MTUS1: variants seen among roughly 807,000 people sequenced by gnomAD.
The protein encoded by MTUS1 is microtubule associated scaffold protein 1.
Under a neutral mutation model 120.8 loss-of-function variants are expected in MTUS1, and 109 were observed. The observed-to-expected ratio is 0.90, with a 90% CI of 0.77 to 1.06. MTUS1 has a LOEUF of 1.06. Ranked by LOEUF, MTUS1 falls within the 50% of genes least tolerant of loss-of-function variation. The pLI is 0.00. For missense variants in MTUS1, 2,210 were observed against 1,486.3 expected, an observed-to-expected ratio of 1.49 and a Z score of -8.01; for synonymous variants, 737 against 550.5, an observed-to-expected ratio of 1.34 and a Z score of -4.74.
intron 1 of MTUS1, among the ~76,000 whole-genome samples, chr8:17,776,269 T>C (rs372572235): frequency 5.3e-5 from 8 of 152,178 alleles, no homozygotes; most frequent in African/African-American, 1.9e-4. Context: ...TGTGTTTTTA[T>C]ATGCAAAGAC....
chr8:17,800,311 C>T (rs1422985229), intron 1 of MTUS1, among the ~76,000 whole-genome samples: 1 of 152,164 alleles, frequency 6.6e-6, no homozygotes, highest in African/African-American at 2.4e-5. Flanking sequence ...AACTTGAAAG[C>T]TTCCACGCAC....
intron 6 of MTUS1, among the ~76,000 whole-genome samples, chr8:17,712,702 G>T (rs1821569034): frequency 6.6e-6 from 1 of 152,056 alleles, no homozygotes; most frequent in African/African-American, 2.4e-5. Flanking sequence ...TCGCAGTGAA[G>T]ATATTTTGTG....
chr8:17,775,887 G>A (rs979065949), intron 1 of MTUS1, among the ~76,000 whole-genome samples: 8 of 152,172 alleles, frequency 5.3e-5, no homozygotes, highest in Non-Finnish European at 1.2e-4. Context: ...GACTACGCAG[G>A]CATTTCAGAG....
intron 1 of MTUS1, among the ~76,000 whole-genome samples, chr8:17,786,775 T>C (rs1365529087): frequency 2.6e-5 from 4 of 152,044 alleles, no homozygotes; most frequent in African/African-American, 7.2e-5. Context: ...GTTTCATATG[T>C]GATATTAAGA....
intron 7 of MTUS1, among the ~76,000 whole-genome samples, chr8:17,677,003 C>G (rs561865633): frequency 1.3e-5 from 2 of 152,132 alleles, no homozygotes; most frequent in African/African-American, 2.4e-5. Context: ...AGCACTGAAA[C>G]GTGGTCAGCA....
chr8:17,679,354 CGCGTGTGT>C (rs1563187913), intron 7 of MTUS1, among the ~76,000 whole-genome samples: 2 of 140,120 alleles, frequency 1.4e-5, no homozygotes, highest in Admixed American at 7.6e-5. Flanking sequence ...TGTGTGCGCG[CGCGTGTGT>C]GTGTGTGTGT....
intron 3 of MTUS1, among the ~76,000 whole-genome samples, chr8:17,733,040 C>G (rs1402843604): frequency 6.6e-6 from 1 of 152,018 alleles, no homozygotes; most frequent in African/African-American, 2.4e-5. Context: ...CAAGTCCTAA[C>G]TATGATTTTC....
intron 3 of MTUS1, among the ~76,000 whole-genome samples, chr8:17,742,070 C>T (rs925697084): frequency 6.6e-6 from 1 of 152,044 alleles, no homozygotes; most frequent in Non-Finnish European, 1.5e-5. Flanking sequence ...CCTTATTGGA[C>T]AACTACAGTA....
intron 12 of MTUS1, 43 bp downstream of exon 12, chr8:17,653,141 TGA>T (rs1171271309): frequency 8.5e-7 from 1 of 1,174,288 alleles, no homozygotes; most frequent in South Asian, 1.4e-5. Context: ...AAAAGGCAAC[TGA>T]GAAGAAAAAT....
chr8:17,688,718 A>G (rs1409653338), intron 6 of MTUS1, among the ~76,000 whole-genome samples: 1 of 152,200 alleles, frequency 6.6e-6, no homozygotes, highest in Non-Finnish European at 1.5e-5. Context: ...GTTACCATTC[A>G]TGTCAATTAT....
At chr8:17,700,016 G>A (rs1481888488) in intron 6 of MTUS1, among the ~76,000 whole-genome samples, 1 of 152,060 alleles carries the variant, frequency 6.6e-6, no homozygotes, top group Non-Finnish European at 1.5e-5. Flanking sequence ...GAAATTGAAC[G>A]AATGTGAGAA....
At chr8:17,791,519 C>T (rs1203187333) in intron 1 of MTUS1, among the ~76,000 whole-genome samples, 1 of 152,146 alleles carries the variant, frequency 6.6e-6, no homozygotes, top group Non-Finnish European at 1.5e-5. Context: ...AATGTGCTGA[C>T]TGATAGCAAA....
chr8:17,721,604 C>A, intron 4 of MTUS1: 1 of 1,325,284 alleles, frequency 7.5e-7, no homozygotes, highest in South Asian at 1.7e-5. Flanking sequence ...CTACCATTAC[C>A]ATAAATTACA....
At chr8:17,783,464 G>A (rs905907462) in intron 1 of MTUS1, among the ~76,000 whole-genome samples, 1 of 152,144 alleles carries the variant, frequency 6.6e-6, no homozygotes, top group Non-Finnish European at 1.5e-5. Flanking sequence ...GTAGGAAGAG[G>A]GAGCATACCA....
At chr8:17,797,414 AAAAAT>A (rs764887030) in intron 1 of MTUS1, among the ~76,000 whole-genome samples, 11 of 141,194 alleles carry the variant, frequency 7.8e-5, no homozygotes, top group Admixed American at 2.3e-4. Flanking sequence ...TCCCGTCTCA[AAAAAT>A]AAAATAAAAT....
intron 1 of MTUS1, among the ~76,000 whole-genome samples, chr8:17,791,962 G>C (rs561578603): frequency 6.6e-6 from 1 of 152,092 alleles, no homozygotes; most frequent in Non-Finnish European, 1.5e-5. Flanking sequence ...ACCTTCCAGC[G>C]TCCTGATGAG....
chr8:17,692,197 C>G (rs1347709294), intron 6 of MTUS1: 1 of 152,178 alleles, frequency 6.6e-6, no homozygotes, highest in Non-Finnish European at 1.5e-5. Context: ...ACATTTTATA[C>G]CTGTCTGTGG....
In MTUS1 at chr8:17,743,697, G is replaced by A. The variant is rs1168502319; in HGVS notation, c.2194C>T (p.Pro732Ser). 3.1e-6 allele frequency: 5 copies of A among 1,614,022 alleles called. No homozygotes were observed. Among genetic ancestry groups the A allele is most frequent in the Non-Finnish European group, 4.2e-6 (5 of 1,180,044 alleles). The change falls in exon 3 of 15, where the codon CCT becomes TCT. Residue 732 changes from proline to serine, a missense_variant. Transcript: ENST00000693296. ...CTGTTCCGCCTCAAACAGGAAACAG[G>A]GGGCCCCACTTTGGCTTTTGGAGCA... ...IAAPKAKVGP[P>S]VSCLRRNSDN...
intron 12 of MTUS1, among the ~76,000 whole-genome samples, chr8:17,652,680 A>G (rs1807271221): frequency 2.0e-5 from 3 of 152,126 alleles, no homozygotes; most frequent in Admixed American, 2.0e-4. Context: ...TACTAAAAAT[A>G]CAAAAATTAG....
Sources: allele counts gnomAD v4.1 joint callset (sites outside exome capture counted in the v4.1 genomes callset), GRCh38; gene constraint gnomAD v4.1.1; transcripts MANE v1.5; gene names NCBI Gene and HGNC (gene_info 2026-07-23, HGNC 2026-07-21).